Variants in PTPRN2 observed in about 807,000 individuals in gnomAD.
PTPRN2 encodes receptor-type tyrosine-protein phosphatase N2.
In PTPRN2, 74 loss-of-function variants were observed where a neutral mutation model predicts 118.8. The observed-to-expected ratio is 0.62, with a 90% CI of 0.52 to 0.76. The LOEUF is 0.76. Ranked by LOEUF, PTPRN2 falls within the 30% of genes least tolerant of loss-of-function variation. The pLI is 0.00. For missense variants in PTPRN2, 1,481 were observed against 1,394.4 expected (o/e 1.06, Z -0.99); for synonymous variants, 641 against 608.0 (o/e 1.05, Z -0.80).
intron 12 of PTPRN2, among the ~76,000 whole-genome samples, chr7:157,759,193 G>C (rs574672531): frequency 6.6e-6 from 1 of 152,358 alleles, no homozygotes; most frequent in South Asian, 2.1e-4. Flanking sequence ...CCTGGGCGCC[G>C]TGGGCGCAGG....
chr7:158,327,169 GCACA>G (rs549017342), intron 2 of PTPRN2, among the ~76,000 whole-genome samples: 1 of 145,416 alleles, frequency 6.9e-6, no homozygotes, highest in Non-Finnish European at 1.5e-5. Flanking sequence ...ATTCTCACAT[GCACA>G]CACACATGCT....
Position 157,764,163 on chromosome 7 carries a change from G to A in PTPRN2, c.1789-81226C>T, listed in dbSNP as rs11975311. Among the ~76,000 whole-genome samples, 1,850 of 152,278 alleles carry A rather than the reference G, an allele frequency of 0.012. 39 individuals carry two copies. The highest frequency in any genetic ancestry group is 0.042 in the African/African-American group (1,739 of 41,560). ...GGGAGGAATATAGCATGATGCAGTCGCTGTTAGTGGGTCCTCAAAAAACTA... is the reference window on the plus strand; with the variant it reads ...GGGAGGAATATAGCATGATGCAGTCACTGTTAGTGGGTCCTCAAAAAACTA... On this transcript the variant is annotated intron_variant, in intron 12 of 22. Coordinates refer to ENST00000389418, the MANE Select transcript of PTPRN2 (RefSeq NM_002847.5). The surrounding 1 kb of genome is among the most constrained non-coding windows in gnomAD (Gnocchi z 4.5).
chr7:158,395,950 CT>C (rs1812456425), intron 2 of PTPRN2, among the ~76,000 whole-genome samples: 1 of 152,044 alleles, frequency 6.6e-6, no homozygotes, highest in African/African-American at 2.4e-5. Flanking sequence ...CCTCTGCCCC[CT>C]GGTCACAGAG....
At chr7:158,328,971 TGCAA>T (rs1803894866) in intron 2 of PTPRN2, among the ~76,000 whole-genome samples, 1 of 151,478 alleles carries the variant, frequency 6.6e-6, no homozygotes, top group Admixed American at 6.6e-5. Context: ...GAGTGATGTC[TGCAA>T]GCATCAGGTC....
chr7:158,047,418 G>A (rs1189735147), intron 11 of PTPRN2, among the ~76,000 whole-genome samples: 2 of 152,268 alleles, frequency 1.3e-5, no homozygotes, highest in South Asian at 2.1e-4. Context: ...TGGAGCCACT[G>A]CACACCTCAG....
At chr7:158,059,977 T>C (rs1335534242) in intron 11 of PTPRN2, among the ~76,000 whole-genome samples, 1 of 100,236 alleles carries the variant, frequency 1.0e-5, no homozygotes, top group Non-Finnish European at 1.9e-5. Context: ...ACACTCCATC[T>C]GCACACGGTG....
At chr7:157,580,846 G>A (rs1459621337) in intron 17 of PTPRN2, among the ~76,000 whole-genome samples, 2 of 5,846 alleles carry the variant, frequency 3.4e-4, no homozygotes, top group African/African-American at 1.3e-3. Context: ...CTGCACACCC[G>A]AGCCCCTGCA....
intron 2 of PTPRN2, among the ~76,000 whole-genome samples, chr7:158,432,772 A>G (rs749230001): frequency 1.6e-4 from 24 of 152,188 alleles, no homozygotes; most frequent in Non-Finnish European, 2.6e-4. Context: ...TGCAACCCCC[A>G]TAAAACAGAG....
intron 12 of PTPRN2, among the ~76,000 whole-genome samples, chr7:157,898,301 C>A (rs940389762): frequency 6.6e-6 from 1 of 152,200 alleles, no homozygotes; most frequent in African/African-American, 2.4e-5. Context: ...CCACTGAGTC[C>A]CAGGAGGAAA....
chr7:157,733,215 T>C (rs1429940672), intron 12 of PTPRN2, among the ~76,000 whole-genome samples: 1 of 22,058 alleles, frequency 4.5e-5, no homozygotes. Flanking sequence ...CCCTTTCCCG[T>C]CCCACGCGCC....
At position 158,261,477 on chromosome 7, in the gene PTPRN2, G is replaced by T. The variant is rs186113025; in HGVS notation, c.277+55342C>A. On this transcript the variant is annotated intron_variant, in intron 3 of 22. Coordinates refer to ENST00000389418, the MANE Select transcript of PTPRN2 (RefSeq NM_002847.5). ...GCGATGGGCCAAGGAAGGGCTTCAG[G>T]GCCCAGCGACTCCCTGCAAACTGAG... Among the ~76,000 whole-genome samples, 402 of 152,250 alleles carry T rather than the reference G, an allele frequency of 2.6e-3. 3 individuals are homozygous for T. Among genetic ancestry groups the T allele is most frequent in the Non-Finnish European group, 4.5e-3 (308 of 67,998 alleles).
rs1319750273 is a variant in PTPRN2 at position 157,632,306 on chromosome 7, G to A, written c.2197-10797C>T. ...TGGAAAGGTGGCCTGGTGCACCAACGCCTGGTGATCCTCGATTTCAGTTTA... is the reference window on the plus strand; with the variant it reads ...TGGAAAGGTGGCCTGGTGCACCAACACCTGGTGATCCTCGATTTCAGTTTA... On this transcript the variant is annotated intron_variant, in intron 14 of 22. Transcript: ENST00000389418. The surrounding 1 kb of genome is among the most constrained non-coding windows in gnomAD (Gnocchi z 4.3). 2.0e-5 allele frequency among the ~76,000 whole-genome samples: 3 copies of A among 152,084 alleles called. No homozygotes were observed. Among genetic ancestry groups the A allele is most frequent in the Non-Finnish European group, 2.9e-5 (2 of 68,032 alleles).
intron 2 of PTPRN2, among the ~76,000 whole-genome samples, chr7:158,409,318 G>A (rs543695802): frequency 6.6e-6 from 1 of 152,340 alleles, no homozygotes; most frequent in African/African-American, 2.4e-5. Flanking sequence ...GGGGAGATGT[G>A]TGCAGGAGCA....
chr7:158,258,452 G>A (rs1368506679), intron 3 of PTPRN2, among the ~76,000 whole-genome samples: 5 of 152,204 alleles, frequency 3.3e-5, no homozygotes, highest in Non-Finnish European at 7.3e-5. Flanking sequence ...GCCGCGAGAC[G>A]ACCCTGTGAG....
chr7:157,802,685 TC>T (rs1415865986), intron 12 of PTPRN2, among the ~76,000 whole-genome samples: 2 of 152,242 alleles, frequency 1.3e-5, no homozygotes, highest in African/African-American at 4.8e-5. Context: ...CCATTTATAT[TC>T]CCACCAACAG....
intron 12 of PTPRN2, among the ~76,000 whole-genome samples, chr7:157,759,303 G>T (rs1801996282): frequency 6.6e-6 from 1 of 152,256 alleles, no homozygotes; most frequent in Non-Finnish European, 1.5e-5. Flanking sequence ...GGAGCCTGCT[G>T]GGCTGAGATG....
rs1826149491 is a variant in PTPRN2 at position 158,544,157 on chromosome 7, T to C, written c.112+43401A>G. On this transcript the variant is annotated intron_variant, in intron 1 of 22. Coordinates refer to ENST00000389418, the MANE Select transcript of PTPRN2 (RefSeq NM_002847.5). The surrounding 1 kb of genome is among the most constrained non-coding windows in gnomAD (Gnocchi z 4.2). ...GGAGGGGCCAGAACCCAGTCCACAC[T>C]CTGCCCGCATGATCTGCCTCTCCCC... Among the ~76,000 whole-genome samples the C allele has an allele frequency of 6.6e-6, 1 of 152,102 alleles. No individual in the cohort carries two copies. The highest frequency in any genetic ancestry group is 6.6e-5 in the Admixed American group (1 of 15,262).
At chr7:157,580,825 C>A (rs1330778897) in intron 17 of PTPRN2, among the ~76,000 whole-genome samples, 1 of 131,330 alleles carries the variant, frequency 7.6e-6, no homozygotes, top group African/African-American at 2.9e-5. Flanking sequence ...AGCACCTGCA[C>A]ACCCCAGCAC....
chr7:158,330,071 T>G (rs1804064941), intron 2 of PTPRN2, among the ~76,000 whole-genome samples: 2 of 115,440 alleles, frequency 1.7e-5, no homozygotes, highest in Non-Finnish European at 3.9e-5. Context: ...ACTCTCACCA[T>G]AAGAGCTGAC....
Sources: allele counts gnomAD v4.1 joint callset (sites outside exome capture counted in the v4.1 genomes callset), GRCh38; gene constraint gnomAD v4.1.1; non-coding constraint Gnocchi (gnomAD v3.1); transcripts MANE v1.5; gene names NCBI Gene and HGNC (gene_info 2026-07-23, HGNC 2026-07-21).